PTCH1: variants seen among roughly 807,000 people sequenced by gnomAD.
PTCH1 encodes the protein patched 1.
In PTCH1, 14 loss-of-function variants were observed where a neutral mutation model predicts 144.6. The ratio of observed to expected loss-of-function variants is 0.10; its 90% CI spans 0.06 to 0.15. PTCH1 has a LOEUF of 0.15. Ranked by LOEUF, PTCH1 falls within the 10% of genes least tolerant of loss-of-function variation. The probability of loss-of-function intolerance (pLI) is 1.00; values close to 1 mark genes in which losing one functional copy is unlikely to be tolerated. For missense variants in PTCH1, 1,623 were observed against 1,948.3 expected (o/e 0.83, Z 3.14); for synonymous variants, 833 against 793.6 (o/e 1.05, Z -0.83).
chr9:95,461,812 C>A (rs2136685594), intron 16 of PTCH1, 44 bp downstream of exon 16: 1 of 1,612,050 alleles, frequency 6.2e-7, no homozygotes. Flanking sequence ...GGGCAGCGGC[C>A]CCGCAGCCCT....
At chr9:95,500,251 G>A (rs1263203517) in intron 2 of PTCH1, among the ~76,000 whole-genome samples, 2 of 152,120 alleles carry the variant, frequency 1.3e-5, no homozygotes, top group African/African-American at 4.8e-5. Flanking sequence ...GAAGGGTCAA[G>A]AATGGCAGAC....
chr9:95,505,855 C>A (rs565461278), intron 2 of PTCH1, among the ~76,000 whole-genome samples: 77 of 149,600 alleles, frequency 5.1e-4, no homozygotes, highest in African/African-American at 1.7e-3. Flanking sequence ...ACCACACACG[C>A]CGCCGCCTCC....
At chr9:95,506,634 G>A (rs1370613394) in intron 1 of PTCH1, 35 bp from the exon 2 acceptor site, 5 of 1,545,896 alleles carry the variant, frequency 3.2e-6, no homozygotes, top group Non-Finnish European at 2.6e-6. Context: ...GTGAGCGCCG[G>A]GGAGTCGCGG....
At chr9:95,498,717 G>A (rs1842947209) in intron 2 of PTCH1, among the ~76,000 whole-genome samples, 1 of 152,158 alleles carries the variant, frequency 6.6e-6, no homozygotes, top group African/African-American at 2.4e-5. Context: ...AAGATTAGAA[G>A]AGAAAGTAAC....
upstream of PTCH1, among the ~76,000 whole-genome samples, chr9:95,512,190 T>C (rs569868241): frequency 6.6e-6 from 1 of 152,316 alleles, no homozygotes; most frequent in South Asian, 2.1e-4. Context: ...ATCCCTTAGT[T>C]TGACTTAATT....
intron 18 of PTCH1, 107 bp from the exon 19 acceptor site, chr9:95,456,520 A>G: frequency 7.1e-7 from 1 of 1,404,394 alleles, no homozygotes; most frequent in Non-Finnish European, 9.8e-7. Context: ...GATCAAAACA[A>G]TGAATGGACT....
Position 95,485,863 on chromosome 9 carries a change from C to A in PTCH1, c.406G>T (p.Val136Leu), listed in dbSNP as rs1240746395. ...CGAGTATAATTTAATTCACGACTTA[C>A]TCGTCCTCCAACTGACAAATATGTA... ...EELWVEVGGR[V>L]SRELNYTRQK... is the part of the protein sequence containing the mutation. Residue 136 changes from valine to leucine, a missense_variant, in exon 3 of 24, where the codon GTA (valine) becomes TTA (leucine). Val to Leu is a conservative substitution (Grantham distance 32). Coordinates refer to ENST00000331920, the MANE Select transcript of PTCH1 (RefSeq NM_000264.5). 6.2e-7 allele frequency: 1 copy of A among 1,614,204 alleles called. No individual in the cohort carries two copies. Among genetic ancestry groups the A allele is most frequent in the South Asian group, 1.1e-5 (1 of 91,078 alleles).
Position 95,447,073 on chromosome 9 carries a change from C to T in PTCH1, c.4183G>A (p.Gly1395Arg), listed in dbSNP as rs375626922. 5 of 1,613,934 alleles carry T rather than the reference C, an allele frequency of 3.1e-6. No homozygotes were observed. Among genetic ancestry groups the T allele is most frequent in the Non-Finnish European group, 3.4e-6 (4 of 1,180,040 alleles). The change falls in exon 23 of 24, where the codon GGG becomes AGG. Residue 1395 changes from glycine (G) to arginine (R), a missense_variant. By Grantham distance (125) the Gly-to-Arg change is moderately radical (BLOSUM62 -2). Transcript: ENST00000331920. Reference protein sequence around the residue: ...PVPGPGRNPRGGLCPGYPETD... With the variant: ...PVPGPGRNPRRGLCPGYPETD... ...TCAGGGTAGCCTGGGCAGAGTCCCC[C>T]TCGGGGGTTCCGCCCAGGCCCAGGG...
rs2118880771 is a variant in PTCH1 at position 95,506,570 on chromosome 9, C to T, written c.231G>A (p.Leu77=). ...GTCTCTGAAACTTCGCTCTCAGCCA[C>T]AGCGGCGCTTTCCGGCCAGTAGCCT... ...KGKATGRKAP[L]WLRAKFQRLL... is the part of the protein sequence containing the mutation. The change falls in exon 2 of 24, where the codon CTG becomes CTA. Residue 77 remains leucine (L), a synonymous_variant. Transcript: ENST00000331920. 1 of 1,612,782 alleles carries T rather than the reference C, an allele frequency of 6.2e-7. No individual in the cohort carries two copies. Among genetic ancestry groups the T allele is most frequent in the Non-Finnish European group, 8.5e-7 (1 of 1,179,422 alleles).
upstream of PTCH1, among the ~76,000 whole-genome samples, chr9:95,510,003 A>G (rs1390649871): frequency 1.0e-5 from 1 of 97,580 alleles, no homozygotes; most frequent in Non-Finnish European, 2.6e-5. Flanking sequence ...CCCCCAACTT[A>G]AAAAAAAAAA....
intron 2 of PTCH1, among the ~76,000 whole-genome samples, chr9:95,488,183 G>GTC (rs1437142374): frequency 6.6e-6 from 1 of 152,146 alleles, no homozygotes; most frequent in Non-Finnish European, 1.5e-5. Flanking sequence ...GTACCTCAGG[G>GTC]TCTCCATCAT....
At chr9:95,456,234 G>A (rs1414951712) in intron 19 of PTCH1, 42 bp downstream of exon 19, 6 of 1,610,026 alleles carry the variant, frequency 3.7e-6, no homozygotes, top group Non-Finnish European at 5.1e-6. Context: ...GAGGAAATGG[G>A]TTGTTTTTTC....
chr9:95,462,084 A>G (rs1839532397), intron 15 of PTCH1, 86 bp from the exon 16 acceptor site: 2 of 1,494,178 alleles, frequency 1.3e-6, no homozygotes, highest in East Asian at 4.5e-5. Context: ...GAGACTGAGC[A>G]GGGCAGGGGG....
intron 9 of PTCH1, 79 bp from the exon 10 acceptor site, chr9:95,477,781 A>G: frequency 2.6e-6 from 4 of 1,560,288 alleles, no homozygotes; most frequent in Non-Finnish European, 3.5e-6. Context: ...CCCTCCACCC[A>G]TCACCCCAAA....
At chr9:95,505,920 C>A (rs1843559047) in intron 2 of PTCH1, among the ~76,000 whole-genome samples, 1 of 147,454 alleles carries the variant, frequency 6.8e-6, no homozygotes, top group Non-Finnish European at 1.5e-5. Context: ...GCCGCGGCCG[C>A]CGGGGGCGCG....
Position 95,456,307 on chromosome 9 carries a change from A to G in PTCH1, c.3275T>C (p.Ile1092Thr). ...PVVILIASVG[I>T]GVEFTVHVAL... Reference sequence around the variant, plus strand: ...AACGTGAACGGTGAACTCCACTCCTATGCCAACAGAAGCGATCAGGATGAC... The same window carrying G: ...AACGTGAACGGTGAACTCCACTCCTGTGCCAACAGAAGCGATCAGGATGAC... Residue 1092 changes from isoleucine to threonine, a missense_variant, in exon 19 of 24, where the codon ATA (isoleucine) becomes ACA (threonine). Ile to Thr is a moderately conservative substitution (Grantham distance 89). Transcript: ENST00000331920. 6.2e-7 allele frequency: 1 copy of G among 1,614,050 alleles called. No homozygotes were observed. Among genetic ancestry groups the G allele is most frequent in the Non-Finnish European group, 8.5e-7 (1 of 1,180,026 alleles).
chr9:95,507,841 A>C (rs2118901282), intron 1 of PTCH1: 1 of 1,006,028 alleles, frequency 9.9e-7, no homozygotes, highest in East Asian at 4.8e-5. Flanking sequence ...GCCGCCCTTG[A>C]GGTGGTCCGC....
At chr9:95,516,895 C>T (rs1844392852) in exon 1 of PTCH1, 6 of 1,290,676 alleles carry the variant, frequency 4.6e-6, no homozygotes, top group Non-Finnish European at 6.5e-6. Context: ...GAAAACTTTA[C>T]CCCTTTACAA....
Position 95,449,971 on chromosome 9 carries a change from G to A in PTCH1, c.3450-31C>T, listed in dbSNP as rs1838320911. On this transcript the variant is annotated intron_variant, in intron 20 of 23. Transcript: ENST00000331920. This position sits in a 1 kb window ranked among gnomAD's most constrained non-coding sequence, Gnocchi z 5.3. ...AGATCAAGAGGAAACGGGAACACGC[G>A]CTGTGACAGGGTGGATCGCGCCACC... The A allele has an allele frequency of 3.1e-6, 5 of 1,588,976 alleles. No individual in the cohort carries two copies. Among genetic ancestry groups the A allele is most frequent in the East Asian group, 2.2e-5 (1 of 44,764 alleles).
Sources: gnomAD v4.1 joint callset for allele counts (sites outside exome capture counted in the v4.1 genomes callset) on GRCh38, gnomAD v4.1.1 for gene constraint, Gnocchi (gnomAD v3.1) non-coding constraint, MANE v1.5 for transcripts, NCBI Gene and HGNC (gene_info 2026-07-23, HGNC 2026-07-21) for gene names.